FRMD5: variants seen among roughly 807,000 people sequenced by gnomAD.
FRMD5 encodes the protein FERM domain-containing protein 5.
In FRMD5, 20 loss-of-function variants were observed where a neutral mutation model predicts 69.0. The observed-to-expected ratio is 0.29, with a 90% CI of 0.20 to 0.42. The LOEUF is 0.42. Ranked by LOEUF, FRMD5 falls within the 10% of genes least tolerant of loss-of-function variation. The pLI is 1.00. For synonymous variants in FRMD5, 271 were observed against 260.1 expected (o/e 1.04, Z -0.40); for missense variants, 595 against 708.6 (o/e 0.84, Z 1.82).
At chr15:44,162,879 A>C (rs1203052702) in intron 1 of FRMD5, among the ~76,000 whole-genome samples, 7 of 149,178 alleles carry the variant, frequency 4.7e-5, no homozygotes, top group African/African-American at 1.2e-4. Context: ...AAAAAAAAAA[A>C]AAAAAAAAAA....
At chr15:44,029,145 G>T (rs1343824067) in intron 1 of FRMD5, among the ~76,000 whole-genome samples, 1 of 152,126 alleles carries the variant, frequency 6.6e-6, no homozygotes, top group Non-Finnish European at 1.5e-5. Context: ...TACCAGGCAG[G>T]CTGAATTGAA....
In FRMD5 at chr15:43,905,879, T is replaced by A; in HGVS notation, c.500A>T (p.His167Leu). The A allele has an allele frequency of 6.2e-7, 1 of 1,614,238 alleles. No homozygotes were observed. Among genetic ancestry groups the A allele is most frequent in the Non-Finnish European group, 8.5e-7 (1 of 1,180,032 alleles). Residue 167 changes from histidine to leucine, a missense_variant, in exon 6 of 14, where the codon CAT (histidine) becomes CTT (leucine). Coordinates refer to ENST00000417257, the MANE Select transcript of FRMD5 (RefSeq NM_032892.5). ...YSSKFQFFPK[H>L]SEKLERKIAE... ...AATTTTCCTTTCCAGCTTCTCTGAA[T>A]GTTTAGGGAAAAACTGGAACTTGGA...
At chr15:43,941,679 T>C (rs1471821572) in intron 1 of FRMD5, among the ~76,000 whole-genome samples, 1 of 152,192 alleles carries the variant, frequency 6.6e-6, no homozygotes, top group Non-Finnish European at 1.5e-5. Flanking sequence ...AAATTATGTC[T>C]AGCAAATACC....
At chr15:44,009,043 T>A (rs542176693) in intron 1 of FRMD5, among the ~76,000 whole-genome samples, 1 of 151,940 alleles carries the variant, frequency 6.6e-6, no homozygotes. Context: ...AAAACAACAA[T>A]AACAAAAAAT....
In FRMD5 at chr15:43,905,894, T is replaced by A; in HGVS notation, c.485A>T (p.Gln162Leu). ...KHPEGYSSKFQFFPKHSEKLE... is the reference protein window; with the variant it reads ...KHPEGYSSKFLFFPKHSEKLE... ...CTTCTCTGAATGTTTAGGGAAAAAC[T>A]GGAACTTGGAGCTGTAGCCTTCAGG... The change falls in exon 6 of 14, where the codon CAG becomes CTG. Residue 162 changes from glutamine to leucine, a missense_variant. By Grantham distance (113) the Gln-to-Leu change is moderately radical. This residue lies in a region of FRMD5 where 51 missense variants were observed against 41.7 expected (regional missense o/e 1.22). Transcript: ENST00000417257. 2.5e-6 allele frequency: 4 copies of A among 1,614,232 alleles called. No homozygotes were observed. The highest frequency in any genetic ancestry group is 3.4e-6 in the Non-Finnish European group (4 of 1,180,026).
chr15:43,945,420 C>T lies in FRMD5; in HGVS notation c.103-21111G>A, dbSNP rs138397120. The stretch of plus-strand genomic sequence containing the variant: ...GAATACTAAACAAAAGCCAAAGTCA[C>T]GGTCAGTTGTAGGCAGAGGAGAACT... On this transcript the variant is annotated intron_variant, in intron 1 of 13. Transcript: ENST00000417257. Among the ~76,000 whole-genome samples the T allele has an allele frequency of 1.1e-3, 162 of 152,226 alleles. 1 individual carries two copies. The highest frequency in any genetic ancestry group is 3.6e-3 in the African/African-American group (150 of 41,540).
chr15:43,886,365 A>T (rs1482125292), intron 10 of FRMD5, among the ~76,000 whole-genome samples: 1 of 152,176 alleles, frequency 6.6e-6, no homozygotes, highest in African/African-American at 2.4e-5. Context: ...GCTTAACTTT[A>T]ATAAAAGTCC....
intron 1 of FRMD5, among the ~76,000 whole-genome samples, chr15:43,953,901 T>G (rs750293285): frequency 1.3e-5 from 2 of 152,252 alleles, no homozygotes; most frequent in Non-Finnish European, 2.9e-5. Context: ...TTCTTCCTAC[T>G]TTATAAATGA....
At chr15:43,905,737 A>T in intron 6 of FRMD5, 91 bp downstream of exon 6, 2 of 1,502,888 alleles carry the variant, frequency 1.3e-6, no homozygotes, top group African/African-American at 1.4e-5. Context: ...GTCAGTAAAC[A>T]GTCTGCGAGA....
intron 1 of FRMD5, among the ~76,000 whole-genome samples, chr15:44,118,986 A>C (rs2140637614): frequency 2.0e-5 from 3 of 152,210 alleles, no homozygotes; most frequent in Admixed American, 2.0e-4. Flanking sequence ...TTTTTTAGAC[A>C]GGGTCTTGCT....
At chr15:44,128,337 G>A (rs560312461) in intron 1 of FRMD5, among the ~76,000 whole-genome samples, 1 of 152,298 alleles carries the variant, frequency 6.6e-6, no homozygotes, top group South Asian at 2.1e-4. Context: ...AAAATTAGCT[G>A]GGCGTGGTGG....
At position 44,051,230 on chromosome 15, in the gene FRMD5, C is replaced by A. The variant is rs561644755; in HGVS notation, c.103-126921G>T. On this transcript the variant is annotated intron_variant, in intron 1 of 13. Transcript: ENST00000417257. The stretch of plus-strand genomic sequence containing the variant: ...GCAGTCATGCAATCTCTGCTCACTG[C>A]AACCTCTGCCTCCTGGGTTCAAGCA... 3.7e-5 allele frequency among the ~76,000 whole-genome samples: 5 copies of A among 136,046 alleles called. No individual in the cohort carries two copies. The Admixed American group carries it at 4.0e-4, about 11-fold the overall frequency. 89.3% of individuals were successfully genotyped at this position (136,046 alleles called of 152,430 possible).
intron 1 of FRMD5, among the ~76,000 whole-genome samples, chr15:43,935,564 G>T (rs923391842): frequency 2.0e-5 from 3 of 152,208 alleles, no homozygotes; most frequent in African/African-American, 7.2e-5. Context: ...GGGTGGGAAT[G>T]ACCAGGTCCC....
At chr15:44,116,226 T>G (rs28469802) in intron 1 of FRMD5, among the ~76,000 whole-genome samples, 17,574 of 148,152 alleles carry the variant, frequency 0.12, 1,325 homozygotes, top group African/African-American at 0.21. Flanking sequence ...TATATATATA[T>G]AGAGAGAGAG....
intron 13 of FRMD5, among the ~76,000 whole-genome samples, chr15:43,877,473 C>G (rs2088395452): frequency 6.6e-6 from 1 of 152,222 alleles, no homozygotes. Context: ...GGCAGCCTGC[C>G]TGACCAGCCT....
chr15:43,906,951 G>C (rs906667108), intron 5 of FRMD5, among the ~76,000 whole-genome samples: 1 of 152,142 alleles, frequency 6.6e-6, no homozygotes, highest in Non-Finnish European at 1.5e-5. Flanking sequence ...CCAGGTGTGA[G>C]CCTTTCTCCT....
chr15:44,149,955 T>C (rs1349395391), intron 1 of FRMD5, among the ~76,000 whole-genome samples: 1 of 152,152 alleles, frequency 6.6e-6, no homozygotes, highest in Non-Finnish European at 1.5e-5. Flanking sequence ...AAAAGGATTA[T>C]ACAACATAAC....
chr15:43,875,359 A>AT (rs1595467512), intron 13 of FRMD5, among the ~76,000 whole-genome samples: 1 of 104,412 alleles, frequency 9.6e-6, no homozygotes, highest in East Asian at 3.5e-4. Flanking sequence ...AAAAAAAAAA[A>AT]AAAAATATAT....
chr15:43,886,716 C>G (rs781400680), intron 10 of FRMD5, among the ~76,000 whole-genome samples: 1 of 152,180 alleles, frequency 6.6e-6, no homozygotes, highest in Non-Finnish European at 1.5e-5. Context: ...CCAGGACATC[C>G]GAGCTGCTTA....
Sources: gnomAD v4.1 joint callset for allele counts (sites outside exome capture counted in the v4.1 genomes callset) on GRCh38, gnomAD v4.1.1 for gene constraint, gnomAD v4.1.1 regional missense constraint, MANE v1.5 for transcripts, NCBI Gene and HGNC (gene_info 2026-07-23, HGNC 2026-07-21) for gene names.